Variants in MCF2L observed in about 807,000 individuals in gnomAD.
The protein encoded by MCF2L is MCF.2 cell line derived transforming sequence like.
A neutral mutation model predicts 153.4 loss-of-function variants in MCF2L; 97 were observed. The observed-to-expected ratio is 0.63, with a 90% CI of 0.54 to 0.75. MCF2L has a LOEUF of 0.75. MCF2L is among the 30% of genes least tolerant of loss of function. MCF2L has a pLI of 0.00. For synonymous variants in MCF2L, 659 were observed against 632.2 expected (o/e 1.04, Z -0.64); for missense variants, 1,347 against 1,495.2 (o/e 0.90, Z 1.64).
At chr13:113,088,185 G>A (rs1476807871) in intron 23 of MCF2L, 142 bp from the exon 24 acceptor site, 3 of 780,434 alleles carry the variant, frequency 3.8e-6, no homozygotes, top group Non-Finnish European at 6.7e-6. Flanking sequence ...GCCACCCACA[G>A]TGCTTTCCTC....
At position 113,086,105 on chromosome 13, in the gene MCF2L, C is replaced by A; in HGVS notation, c.2248-19C>A. 6.3e-7 allele frequency: 1 copy of A among 1,595,500 alleles called. No homozygotes were observed. Among genetic ancestry groups the A allele is most frequent in the Non-Finnish European group, 8.5e-7 (1 of 1,170,852 alleles). On this transcript the variant is annotated intron_variant, in intron 20 of 29. Coordinates refer to ENST00000535094, the MANE Select transcript of MCF2L (RefSeq NM_001112732.3). ...GCTCTCCGTGTCCCGACGCGGTTGC[C>A]TCACCCCATGCCCCTCAGGAAATGC...
chr13:112,970,603 G>GT (rs2082006786), intron 1 of MCF2L, among the ~76,000 whole-genome samples: 1 of 152,102 alleles, frequency 6.6e-6, no homozygotes, highest in African/African-American at 2.4e-5. Flanking sequence ...TGGATGCCAG[G>GT]TTCACAGGGA....
intron 27 of MCF2L, chr13:113,095,580 G>A: frequency 1.0e-6 from 1 of 997,694 alleles, no homozygotes; most frequent in Non-Finnish European, 1.2e-6. Flanking sequence ...GTGAGGGCAG[G>A]CAGCCCAGTC....
intron 13 of MCF2L, 131 bp from the exon 14 acceptor site, chr13:113,078,232 G>A (rs1391608755): frequency 2.8e-6 from 2 of 726,412 alleles, no homozygotes; most frequent in Non-Finnish European, 4.8e-6. Flanking sequence ...GCCAAGTCCT[G>A]CCCACGCCAC....
chr13:112,986,173 G>A (rs558419039), intron 1 of MCF2L, among the ~76,000 whole-genome samples: 7 of 150,314 alleles, frequency 4.7e-5, no homozygotes, highest in African/African-American at 1.3e-4. Context: ...CATGACCTGC[G>A]GTCGGGGTCT....
intron 16 of MCF2L, 92 bp from the exon 17 acceptor site, chr13:113,082,335 C>T: frequency 1.3e-6 from 1 of 752,072 alleles, no homozygotes; most frequent in Non-Finnish European, 2.4e-6. Context: ...AAGGGCTGGC[C>T]TGGCCCACAG....
intron 4 of MCF2L, among the ~76,000 whole-genome samples, chr13:113,059,017 CTGAG>C (rs1281778370): frequency 7.1e-6 from 1 of 140,900 alleles, no homozygotes; most frequent in Non-Finnish European, 1.6e-5. Context: ...TGAGTGGGTG[CTGAG>C]TGTTTGGGTG....
At position 113,095,205 on chromosome 13, in the gene MCF2L, G is replaced by A. The variant is rs1240920684; in HGVS notation, c.3075+570G>A. 4 of 1,230,458 alleles carry A rather than the reference G, an allele frequency of 3.3e-6. No homozygotes were observed. The African/African-American group carries it at 6.3e-5, about 19-fold the overall frequency. 76.2% of individuals were successfully genotyped at this position (1,230,458 alleles called of 1,614,324 possible). On this transcript the variant is annotated intron_variant, in intron 27 of 29. Coordinates refer to ENST00000535094, the MANE Select transcript of MCF2L (RefSeq NM_001112732.3). ...TGCCATGTGTTAATCATTCCAGTGA[G>A]GGTTACACCAAGAAGTGTCTGCTGC...
At chr13:112,978,556 T>C (rs1265179355) in intron 1 of MCF2L, among the ~76,000 whole-genome samples, 1 of 152,182 alleles carries the variant, frequency 6.6e-6, no homozygotes, top group Non-Finnish European at 1.5e-5. Flanking sequence ...CCTTTTCCTC[T>C]TGATGTCCCC....
At chr13:113,012,708 G>A (rs542179205) in intron 1 of MCF2L, among the ~76,000 whole-genome samples, 1 of 115,680 alleles carries the variant, frequency 8.6e-6, no homozygotes, top group South Asian at 3.5e-4. Context: ...TGGTGGACAG[G>A]TGGTGTGGAC....
intron 2 of MCF2L, among the ~76,000 whole-genome samples, chr13:112,937,987 C>A (rs531199985): frequency 1.7e-4 from 1 of 5,880 alleles, no homozygotes; most frequent in African/African-American, 5.6e-4. Context: ...TTCAGGTGAG[C>A]GCTAATTGGT....
At chr13:113,076,933 C>A in intron 12 of MCF2L, 119 bp from the exon 13 acceptor site, 1 of 1,096,182 alleles carries the variant, frequency 9.1e-7, no homozygotes, top group Non-Finnish European at 1.3e-6. Flanking sequence ...TGACAGACCC[C>A]GCATGGAGAA....
At chr13:113,020,924 A>G (rs1418161498) in intron 2 of MCF2L, among the ~76,000 whole-genome samples, 2 of 151,366 alleles carry the variant, frequency 1.3e-5, no homozygotes, top group Non-Finnish European at 2.9e-5. Flanking sequence ...GTGTATGTGT[A>G]GTGTGTATGC....
chr13:112,954,844 C>G (rs965003780), intron 2 of MCF2L, among the ~76,000 whole-genome samples: 1 of 152,208 alleles, frequency 6.6e-6, no homozygotes, highest in African/African-American at 2.4e-5. Flanking sequence ...GTGTGCTACA[C>G]CTTCCTGCTG....
chr13:113,046,545 A>C lies in MCF2L; in HGVS notation c.369+1184A>C. On this transcript the variant is annotated intron_variant, in intron 4 of 29. Coordinates refer to ENST00000535094, the MANE Select transcript of MCF2L (RefSeq NM_001112732.3). This position sits in a 1 kb window ranked among gnomAD's most constrained non-coding sequence, Gnocchi z 4.4. ...GTGCGCCAAGGTTTGAGGTATACTG[A>C]AAAAAGTCATTCCTTTCCCCGCACA... is the stretch of plus-strand genomic sequence containing the variant. 1.9e-6 allele frequency: 1 copy of C among 533,138 alleles called. No homozygotes were observed. The highest frequency in any genetic ancestry group is 3.8e-6 in the Non-Finnish European group (1 of 259,854). 33.0% of individuals were successfully genotyped at this position (533,138 alleles called of 1,614,324 possible).
At chr13:112,999,453 CTG>C (rs1238597304) in intron 1 of MCF2L, among the ~76,000 whole-genome samples, 1 of 152,178 alleles carries the variant, frequency 6.6e-6, no homozygotes, top group Non-Finnish European at 1.5e-5. Context: ...TGTTTAAAAA[CTG>C]AGGCCCTTCT....
chr13:112,989,220 G>A (rs113311297), intron 1 of MCF2L, among the ~76,000 whole-genome samples: 4 of 22,292 alleles, frequency 1.8e-4, no homozygotes, highest in Non-Finnish European at 2.2e-4. Flanking sequence ...CTACCACACC[G>A]GAGTCCTCCC....
In MCF2L at chr13:113,031,100, CAGAG is replaced by C. The variant is rs200095370; in HGVS notation, c.278+6348_278+6351del. ...AGACAGATACAGACAGAGACAGAGACAGAGAGAGACAGAGACAGAGAGTGACAGA... is the reference window on the plus strand; with the variant it reads ...AGACAGATACAGACAGAGACAGAGACAGAGACAGAGACAGAGAGTGACAGA... On this transcript the variant is annotated intron_variant, in intron 3 of 29. Transcript: ENST00000535094. This position sits in a 1 kb window ranked among gnomAD's most constrained non-coding sequence, Gnocchi z 5.5. Among the ~76,000 whole-genome samples the C allele has an allele frequency of 1.4e-5, 2 of 141,346 alleles. No individual in the cohort carries two copies. The highest frequency in any genetic ancestry group is 1.5e-5 in the Non-Finnish European group (1 of 65,928). 92.7% of individuals were successfully genotyped at this position (141,346 alleles called of 152,430 possible).
intron 2 of MCF2L, among the ~76,000 whole-genome samples, chr13:113,016,143 C>G (rs1407380682): frequency 6.6e-6 from 1 of 152,198 alleles, no homozygotes; most frequent in Non-Finnish European, 1.5e-5. Flanking sequence ...AGCCCAGGAG[C>G]TCTGGGGGGG....
Sources: allele counts gnomAD v4.1 joint callset (sites outside exome capture counted in the v4.1 genomes callset), GRCh38; gene constraint gnomAD v4.1.1; non-coding constraint Gnocchi (gnomAD v3.1); transcripts MANE v1.5; gene names NCBI Gene and HGNC (gene_info 2026-07-23, HGNC 2026-07-21).